Variants in DAB1 observed in about 807,000 individuals in gnomAD.
DAB1 encodes the protein disabled homolog 1.
DAB1 carries 15 observed loss-of-function variants against 64.6 expected under a neutral mutation model. The ratio of observed to expected loss-of-function variants is 0.23; its 90% CI spans 0.16 to 0.36. The LOEUF (loss-of-function observed/expected upper bound fraction) is 0.36, where lower values mean the gene tolerates loss of function less well. DAB1 is among the 10% of genes least tolerant of loss of function. DAB1 has a pLI of 1.00. For missense variants in DAB1, 596 were observed against 706.7 expected (o/e 0.84, Z 1.78); for synonymous variants, 235 against 251.9 (o/e 0.93, Z 0.64).
At chr1:57,040,469 G>A (rs572929679) in intron 9 of DAB1, among the ~76,000 whole-genome samples, 1 of 152,288 alleles carries the variant, frequency 6.6e-6, no homozygotes, top group East Asian at 1.9e-4. Flanking sequence ...GAAGCTTCCT[G>A]ATTCTAATCC....
chr1:57,794,163 C>T (rs952094006), intron 6 of DAB1, among the ~76,000 whole-genome samples: 2 of 152,152 alleles, frequency 1.3e-5, no homozygotes, highest in Non-Finnish European at 2.9e-5. Flanking sequence ...TTTCTCCTAC[C>T]CGTAGGGACC....
rs201179720 is a variant in DAB1 at position 57,071,653 on chromosome 1, G to T, written c.439-12C>A. ...ATAACAGGTTCAGCCTGGGATGAAA[G>T]GTAGTAAGGCACATCATAAGGGAAT... On this transcript the variant is annotated splice_polypyrimidine_tract_variant and intron_variant, in intron 5 of 14. Transcript: ENST00000371236. The T allele has an allele frequency of 3.7e-6, 6 of 1,611,954 alleles. No individual in the cohort carries two copies. Among genetic ancestry groups the T allele is most frequent in the Non-Finnish European group, 4.2e-6 (5 of 1,179,682 alleles).
intron 6 of DAB1, among the ~76,000 whole-genome samples, chr1:57,684,081 T>C (rs1016285637): frequency 4.0e-5 from 6 of 151,738 alleles, no homozygotes; most frequent in African/African-American, 1.5e-4. Context: ...AAAAAGGAAT[T>C]AAACAAATGA....
At chr1:57,039,817 T>C (rs1218662652) in intron 9 of DAB1, among the ~76,000 whole-genome samples, 2 of 152,126 alleles carry the variant, frequency 1.3e-5, no homozygotes, top group East Asian at 3.9e-4. Flanking sequence ...ATGGCTAAAT[T>C]GAGTCTGACC....
At chr1:58,063,644 T>C (rs999532824) in intron 5 of DAB1, among the ~76,000 whole-genome samples, 2 of 152,188 alleles carry the variant, frequency 1.3e-5, no homozygotes, top group African/African-American at 4.8e-5. Context: ...TTTTTATCTG[T>C]AAAATGGGCA....
chr1:58,333,185 C>T (rs1256484688), intron 4 of DAB1, among the ~76,000 whole-genome samples: 2 of 152,136 alleles, frequency 1.3e-5, no homozygotes, highest in East Asian at 3.9e-4. Flanking sequence ...AAGCAGTCTC[C>T]TAGTCCCAGT....
At position 57,191,078 on chromosome 1, in the gene DAB1, G is replaced by A. The variant is rs140334321; in HGVS notation, c.68-45649C>T. On this transcript the variant is annotated intron_variant, in intron 2 of 14. Transcript: ENST00000371236. ...CAGCATAAAGTGAAATGGTGCACAC[G>A]TATCTATCTGGTGAGTTGTTTGCTG... 1.9e-3 allele frequency among the ~76,000 whole-genome samples: 291 copies of A among 152,256 alleles called. 1 individual carries two copies. The highest frequency in any genetic ancestry group is 6.1e-3 in the African/African-American group (253 of 41,570).
chr1:58,000,127 G>A (rs551392649), intron 5 of DAB1, among the ~76,000 whole-genome samples: 1 of 152,238 alleles, frequency 6.6e-6, no homozygotes, highest in Non-Finnish European at 1.5e-5. Context: ...CCCTTGAAGA[G>A]CAGGAAACTG....
intron 1 of DAB1, chr1:57,307,286 T>G (rs1674267086): frequency 6.6e-6 from 1 of 152,250 alleles, no homozygotes; most frequent in Non-Finnish European, 1.5e-5. Context: ...TCCATGCCTT[T>G]TGAGTCCAAG....
chr1:58,388,488 G>C (rs774202837), intron 3 of DAB1, among the ~76,000 whole-genome samples: 29 of 152,174 alleles, frequency 1.9e-4, no homozygotes, highest in Non-Finnish European at 3.2e-4. Context: ...TTAGAAATAA[G>C]ACAGCCAGCC....
intron 7 of DAB1, among the ~76,000 whole-genome samples, chr1:57,631,047 G>A (rs1438454815): frequency 6.6e-6 from 1 of 152,170 alleles, no homozygotes; most frequent in Non-Finnish European, 1.5e-5. Context: ...ACAGGGACTT[G>A]TGCATCAGAG....
At chr1:58,024,964 C>T (rs559110048) in intron 5 of DAB1, among the ~76,000 whole-genome samples, 21 of 152,228 alleles carry the variant, frequency 1.4e-4, no homozygotes, top group Middle Eastern at 3.4e-3. Context: ...GACTTGTCAG[C>T]CTCCATAATT....
chr1:57,119,257 A>G (rs1656422499), intron 4 of DAB1, among the ~76,000 whole-genome samples: 1 of 152,230 alleles, frequency 6.6e-6, no homozygotes. Context: ...CCAATGTGTC[A>G]GCAGATATGA....
At chr1:57,614,569 G>T (rs987034697) in intron 7 of DAB1, among the ~76,000 whole-genome samples, 8 of 152,196 alleles carry the variant, frequency 5.3e-5, no homozygotes, top group Non-Finnish European at 1.2e-4. Context: ...TTTGTAAGGA[G>T]TAAGTAAGTC....
chr1:58,081,907 C>G (rs558145888), intron 5 of DAB1, among the ~76,000 whole-genome samples: 1 of 152,110 alleles, frequency 6.6e-6, no homozygotes, highest in Non-Finnish European at 1.5e-5. Context: ...CATTTCCTAG[C>G]TAATACTGTC....
intron 3 of DAB1, among the ~76,000 whole-genome samples, chr1:58,431,558 GAAA>G (rs66832530): frequency 5.2e-5 from 4 of 76,274 alleles, no homozygotes; most frequent in East Asian, 7.6e-4. Context: ...ACTCCATCTG[GAAA>G]AAAAAAAAAA....
intron 5 of DAB1, among the ~76,000 whole-genome samples, chr1:58,033,483 G>A (rs908656922): frequency 3.9e-5 from 6 of 152,018 alleles, no homozygotes; most frequent in Admixed American, 6.6e-5. Flanking sequence ...GTTTCCTATC[G>A]GGAATATGAC....
chr1:57,135,834 G>A (rs1658033427), intron 4 of DAB1, among the ~76,000 whole-genome samples: 1 of 152,134 alleles, frequency 6.6e-6, no homozygotes, highest in Non-Finnish European at 1.5e-5. Flanking sequence ...TTTATAAGCT[G>A]TAAAACACTG....
At chr1:57,176,067 AG>A (rs1436559982) in intron 2 of DAB1, among the ~76,000 whole-genome samples, 5 of 152,276 alleles carry the variant, frequency 3.3e-5, no homozygotes, top group Non-Finnish European at 7.4e-5. Context: ...GCATAATAAG[AG>A]GTACTTCATG....
Sources: gnomAD v4.1 joint callset for allele counts (sites outside exome capture counted in the v4.1 genomes callset) on GRCh38, gnomAD v4.1.1 for gene constraint, MANE v1.5 for transcripts, NCBI Gene and HGNC (gene_info 2026-07-23, HGNC 2026-07-21) for gene names.